MOB2: variants seen among roughly 807,000 people sequenced by gnomAD.
MOB2 encodes the protein MOB kinase activator 2.
MOB2 carries 14 observed loss-of-function variants against 27.4 expected under a neutral mutation model. The ratio of observed to expected loss-of-function variants is 0.51; its 90% CI spans 0.34 to 0.80. The LOEUF (loss-of-function observed/expected upper bound fraction) is 0.80, where lower values mean the gene tolerates loss of function less well. MOB2 is among the 30% of genes least tolerant of loss of function. MOB2 has a pLI of 0.01. For missense variants in MOB2, 304 were observed against 354.6 expected (o/e 0.86, Z 1.15); for synonymous variants, 167 against 151.8 (o/e 1.10, Z -0.74).
chr11:1,475,283 A>G (rs369299633), intron 3 of MOB2, among the ~76,000 whole-genome samples: 40 of 151,530 alleles, frequency 2.6e-4, no homozygotes, highest in African/African-American at 9.2e-4. Flanking sequence ...CTAAATTTAT[A>G]TTATTATTTG....
intron 1 of MOB2, among the ~76,000 whole-genome samples, chr11:1,483,439 A>C (rs1358720304): frequency 1.3e-5 from 2 of 152,182 alleles, no homozygotes; most frequent in African/African-American, 4.8e-5. Flanking sequence ...CACAGCCCCC[A>C]AAACAAAGTC....
chr11:1,486,287 T>A (rs1221740392), intron 1 of MOB2, among the ~76,000 whole-genome samples, 160 bp downstream of exon 1: 1 of 152,192 alleles, frequency 6.6e-6, no homozygotes, highest in East Asian at 1.9e-4. Context: ...ACAGCTTGCG[T>A]GTGGCCCAGC....
At chr11:1,476,724 C>T (rs1484242807) in intron 3 of MOB2, among the ~76,000 whole-genome samples, 1 of 152,182 alleles carries the variant, frequency 6.6e-6, no homozygotes, top group Non-Finnish European at 1.5e-5. Context: ...TCTAAGAAAG[C>T]ATTAATCCTA....
At chr11:1,480,316 G>A (rs1032429921) in intron 3 of MOB2, 77 bp downstream of exon 3, 45 of 1,354,892 alleles carry the variant, frequency 3.3e-5, no homozygotes, top group Admixed American at 5.4e-5. Context: ...TGAGAGGACA[G>A]GAGCCTGGGG....
rs1847970627 is a variant in MOB2, at chr11:1,486,439, G to A, written c.110+8C>T. On this transcript the variant is annotated splice_region_variant and intron_variant, in intron 1 of 4. Transcript: ENST00000329957. ...CACCCCTCCCCCAGCCAGGCTGGCAGGTGTTACCTGAGCACTTTGCTGACA... is the reference window on the plus strand; with the variant it reads ...CACCCCTCCCCCAGCCAGGCTGGCAAGTGTTACCTGAGCACTTTGCTGACA... 2 of 1,532,218 alleles carry A rather than the reference G, an allele frequency of 1.3e-6. No individual in the cohort carries two copies. Among genetic ancestry groups the A allele is most frequent in the African/African-American group, 1.4e-5 (1 of 73,002 alleles). The allele number at this position is 1,532,218 out of a possible 1,614,324, so 94.9% of individuals were successfully genotyped here.
At position 1,469,527 on chromosome 11, in the gene MOB2, G is replaced by C; in HGVS notation, c.*645C>G. On this transcript the variant is annotated 3_prime_UTR_variant, in exon 5 of 5. Transcript: ENST00000329957. ...GGTAAGCGGGTCTCAGCCTTCCGCT[G>C]GTGCAGCATCTCCACGCAGGGCCTC... is the stretch of plus-strand genomic sequence containing the variant. 2.2e-6 allele frequency: 1 copy of C among 455,764 alleles called. No individual in the cohort carries two copies. Among genetic ancestry groups the C allele is most frequent in the Non-Finnish European group, 4.4e-6 (1 of 226,294 alleles). 28.2% of individuals were successfully genotyped at this position (455,764 alleles called of 1,614,324 possible).
chr11:1,485,288 A>G (rs1321789445), intron 1 of MOB2, among the ~76,000 whole-genome samples: 1 of 152,194 alleles, frequency 6.6e-6, no homozygotes, highest in Non-Finnish European at 1.5e-5. Context: ...ACAAGCACAC[A>G]CTGGCACAGG....
chr11:1,471,465 C>T, intron 3 of MOB2, 46 bp from the exon 4 acceptor site: 2 of 1,573,194 alleles, frequency 1.3e-6, no homozygotes, highest in Non-Finnish European at 1.7e-6. Flanking sequence ...GCTGCACACC[C>T]ACCCAGCCAC....
intron 3 of MOB2, among the ~76,000 whole-genome samples, chr11:1,479,932 G>A (rs965989222): frequency 2.6e-5 from 4 of 152,228 alleles, no homozygotes; most frequent in Admixed American, 6.5e-5. Flanking sequence ...AAATCAGGGT[G>A]CAGTGCTTCC....
At chr11:1,480,639 C>A (rs1847900795) in intron 2 of MOB2, 86 bp downstream of exon 2, 2 of 1,548,046 alleles carry the variant, frequency 1.3e-6, no homozygotes, top group Non-Finnish European at 1.8e-6. Context: ...GGCTGCTGAG[C>A]ACCAGCCGTG....
At position 1,486,700 on chromosome 11, in the gene MOB2, G is replaced by A; in HGVS notation, c.-144C>T. ...GAGACAAACAGCTGCCCCCTTTCCAGAGGCAAGGGCTGGCCAAGGCTGGTG... is the reference window on the plus strand; with the variant it reads ...GAGACAAACAGCTGCCCCCTTTCCAAAGGCAAGGGCTGGCCAAGGCTGGTG... On this transcript the variant is annotated 5_prime_UTR_variant, in exon 1 of 5. Coordinates refer to ENST00000329957, the MANE Select transcript of MOB2 (RefSeq NM_001172223.3). 1 of 626,896 alleles carries A rather than the reference G, an allele frequency of 1.6e-6. No homozygotes were observed. The highest frequency in any genetic ancestry group is 2.8e-6 in the Non-Finnish European group (1 of 352,096). 38.8% of individuals were successfully genotyped at this position (626,896 alleles called of 1,614,324 possible). A position where few individuals can be genotyped will look rare whatever the true frequency, so the allele number is the denominator to read the frequency against.
At chr11:1,470,722 G>A (rs929246044) in intron 4 of MOB2, among the ~76,000 whole-genome samples, 2 of 152,254 alleles carry the variant, frequency 1.3e-5, no homozygotes, top group Non-Finnish European at 2.9e-5. Flanking sequence ...AGGCTCCGGA[G>A]GCTGCACCTG....
chr11:1,481,881 T>C (rs1847919544), intron 1 of MOB2, among the ~76,000 whole-genome samples: 1 of 152,152 alleles, frequency 6.6e-6, no homozygotes, highest in Non-Finnish European at 1.5e-5. Flanking sequence ...ACATGCAGCG[T>C]GGGCACTTGG....
rs754973174 is a variant in MOB2, at chr11:1,476,589, ATTGTT to A, written c.365+3799_365+3803del. ...CATTTTGATTTCACTCATTTCCCCT[ATTGTT>A]TTAAAAATCAATCTCAGTGCTTTCT... On this transcript the variant is annotated intron_variant, in intron 3 of 4. Coordinates refer to ENST00000329957, the MANE Select transcript of MOB2 (RefSeq NM_001172223.3). Among the ~76,000 whole-genome samples, 5 of 152,244 alleles carry A rather than the reference ATTGTT, an allele frequency of 3.3e-5. No homozygotes were observed. The East Asian group carries it at 9.7e-4, about 29-fold the overall frequency.
In MOB2 at chr11:1,480,397, T is replaced by G; in HGVS notation, c.361A>C (p.Asn121His). 6.2e-7 allele frequency: 1 copy of G among 1,613,538 alleles called. No homozygotes were observed. The highest frequency in any genetic ancestry group is 8.5e-7 in the Non-Finnish European group (1 of 1,179,800). The change falls in exon 3 of 5, where the codon AAC (asparagine) becomes CAC (histidine). Residue 121 changes from asparagine (N) to histidine (H), a missense_variant. By Grantham distance (68) the Asn-to-His change is moderately conservative. Transcript: ENST00000329957. ...GETCQTMAVCNTQYYWYDERG... is the reference protein window; with the variant it reads ...GETCQTMAVCHTQYYWYDERG... Reference sequence around the variant, plus strand: ...CTGTAGCCAGGCAGCACTCACGTGTTGCACACGGCCATCGTCTGACACGTC... The same window carrying G: ...CTGTAGCCAGGCAGCACTCACGTGTGGCACACGGCCATCGTCTGACACGTC...
At position 1,480,781 on chromosome 11, in the gene MOB2, T is replaced by C. The variant is rs777084791; in HGVS notation, c.215A>G (p.Lys72Arg). ...TKARITDFQF[K>R]ELVVLPREID... ...CTCGCGGGGCAGCACCACCAGCTCCTTGAACTGGAAGTCGGTGATCCTGGC... is the reference window on the plus strand; with the variant it reads ...CTCGCGGGGCAGCACCACCAGCTCCCTGAACTGGAAGTCGGTGATCCTGGC... The change falls in exon 2 of 5, where the codon AAG (lysine) becomes AGG (arginine). Residue 72 changes from lysine (K) to arginine (R), a missense_variant. Transcript: ENST00000329957. 1 of 1,604,120 alleles carries C rather than the reference T, an allele frequency of 6.2e-7. No homozygotes were observed. Among genetic ancestry groups the C allele is most frequent in the Non-Finnish European group, 8.5e-7 (1 of 1,175,860 alleles).
rs138759534 is a variant in MOB2 at position 1,469,490 on chromosome 11, C to A, written c.*682G>T. On this transcript the variant is annotated 3_prime_UTR_variant, in exon 5 of 5. Coordinates refer to ENST00000329957, the MANE Select transcript of MOB2 (RefSeq NM_001172223.3). Reference sequence around the variant, plus strand: ...GAGAATTCTTTTTATTACGAGTGAACAGATGAACTAAGGTAAGCGGGTCTC... The same window carrying A: ...GAGAATTCTTTTTATTACGAGTGAAAAGATGAACTAAGGTAAGCGGGTCTC... The A allele has an allele frequency of 2.0e-3, 914 of 448,572 alleles. 3 individuals carry two copies. Among genetic ancestry groups the A allele is most frequent in the Non-Finnish European group, 3.4e-3 (759 of 221,046 alleles). 27.8% of individuals were successfully genotyped at this position (448,572 alleles called of 1,614,324 possible).
At chr11:1,479,694 C>T (rs1847888513) in intron 3 of MOB2, among the ~76,000 whole-genome samples, 1 of 152,238 alleles carries the variant, frequency 6.6e-6, no homozygotes, top group Non-Finnish European at 1.5e-5. Context: ...GACGCACTCA[C>T]AGGCACACAT....
At chr11:1,475,661 C>T (rs1394680008) in intron 3 of MOB2, among the ~76,000 whole-genome samples, 1 of 152,184 alleles carries the variant, frequency 6.6e-6, no homozygotes, top group Non-Finnish European at 1.5e-5. Flanking sequence ...GGGTCCCTTG[C>T]TGGCCTCCTG....
Sources: gnomAD v4.1 joint callset for allele counts (sites outside exome capture counted in the v4.1 genomes callset) on GRCh38, gnomAD v4.1.1 for gene constraint, MANE v1.5 for transcripts, NCBI Gene and HGNC (gene_info 2026-07-23, HGNC 2026-07-21) for gene names.